Variants in GINS1 observed in about 807,000 individuals in gnomAD.
GINS1 encodes GINS complex subunit 1.
GINS1 carries 26 observed loss-of-function variants against 34.9 expected under a neutral mutation model. That is an observed-to-expected ratio of 0.74 (90% CI 0.55 to 1.03). The LOEUF is 1.03. Among genes scored for constraint, GINS1 ranks in the 50% least tolerant of loss-of-function variants. The probability of loss-of-function intolerance (pLI) is 0.00; values close to 1 mark genes in which losing one functional copy is unlikely to be tolerated. For synonymous variants in GINS1, 97 were observed against 84.4 expected, an observed-to-expected ratio of 1.15 and a Z score of -0.82; for missense variants, 235 against 237.9, an observed-to-expected ratio of 0.99 and a Z score of 0.08.
intron 5 of GINS1, among the ~76,000 whole-genome samples, chr20:25,440,888 C>G (rs564475113): frequency 4.2e-4 from 64 of 150,822 alleles, no homozygotes; most frequent in African/African-American, 1.2e-3. Flanking sequence ...AGTGGTATTT[C>G]TCATATTTAA....
At chr20:25,422,816 G>A (rs1262549535) in intron 4 of GINS1, among the ~76,000 whole-genome samples, 1 of 152,096 alleles carries the variant, frequency 6.6e-6, no homozygotes, top group African/African-American at 2.4e-5. Context: ...TGCTCTTGTT[G>A]CCCAGGCTGG....
intron 2 of GINS1, among the ~76,000 whole-genome samples, chr20:25,415,539 G>A (rs375414861): frequency 2.6e-5 from 4 of 152,154 alleles, no homozygotes; most frequent in African/African-American, 9.6e-5. Flanking sequence ...TACAAAATTA[G>A]CCATGCGTGG....
At chr20:25,445,338 C>T (rs1321160794) in intron 6 of GINS1, among the ~76,000 whole-genome samples, 3 of 151,012 alleles carry the variant, frequency 2.0e-5, no homozygotes, top group Admixed American at 6.6e-5. Context: ...TGCGCCACCA[C>T]GCCTGGCTAA....
chr20:25,410,824 A>G (rs909130513), intron 1 of GINS1, among the ~76,000 whole-genome samples: 2 of 151,972 alleles, frequency 1.3e-5, no homozygotes, highest in Non-Finnish European at 2.9e-5. Context: ...CAGCCTCCCA[A>G]AGTGCTGGGA....
chr20:25,446,634 A>G lies in GINS1; in HGVS notation c.*643A>G, dbSNP rs1410917863. 1 of 152,238 alleles carries G rather than the reference A, an allele frequency of 6.6e-6. No individual in the cohort carries two copies. Among genetic ancestry groups the G allele is most frequent in the Non-Finnish European group, 1.5e-5 (1 of 68,048 alleles). The allele number at this position is 152,238 out of a possible 1,614,324, so 9.4% of individuals were successfully genotyped here. The stretch of plus-strand genomic sequence containing the variant: ...TGACATACTAATTTATCATCTGGCT[A>G]TTTGGGAAGGAAGGACACACATGGA... On this transcript the variant is annotated 3_prime_UTR_variant, in exon 7 of 7. Transcript: ENST00000262460.
chr20:25,412,355 ACCAGCCTGG>A (rs2090291257), intron 1 of GINS1, among the ~76,000 whole-genome samples: 1 of 151,800 alleles, frequency 6.6e-6, no homozygotes, highest in Non-Finnish European at 1.5e-5. Context: ...GGAGTTCAAG[ACCAGCCTGG>A]CCAATATAGT....
intron 3 of GINS1, among the ~76,000 whole-genome samples, chr20:25,417,615 G>A (rs1342746988): frequency 6.6e-6 from 1 of 152,086 alleles, no homozygotes; most frequent in Admixed American, 6.5e-5. Flanking sequence ...CAGCAATTTT[G>A]GAGGCCAAGG....
At chr20:25,445,537 C>A (rs8116139) in intron 6 of GINS1, among the ~76,000 whole-genome samples, 1 of 152,054 alleles carries the variant, frequency 6.6e-6, no homozygotes, top group Non-Finnish European at 1.5e-5. Context: ...TTAGTAGAGA[C>A]GGGGTTTCAC....
At chr20:25,421,861 C>T (rs1211828049) in intron 4 of GINS1, among the ~76,000 whole-genome samples, 1 of 152,138 alleles carries the variant, frequency 6.6e-6, no homozygotes, top group Non-Finnish European at 1.5e-5. Context: ...ACACTCTTCT[C>T]AGTGGAGACA....
rs1158099756 is a variant in GINS1, at chr20:25,446,877, G to A, written c.*886G>A. The A allele has an allele frequency of 1.3e-5, 2 of 152,148 alleles. No individual in the cohort carries two copies. The highest frequency in any genetic ancestry group is 4.8e-5 in the African/African-American group (2 of 41,434). 9.4% of individuals were successfully genotyped at this position (152,148 alleles called of 1,614,324 possible). On this transcript the variant is annotated 3_prime_UTR_variant, in exon 7 of 7. Transcript: ENST00000262460. ...ACATTTTAAATTTTGATGAAATCCA[G>A]TTTATTCGTTTGTTCTTTTATGCTT... is the stretch of plus-strand genomic sequence containing the variant.
intron 4 of GINS1, chr20:25,419,602 C>A: frequency 1.3e-6 from 1 of 781,788 alleles, no homozygotes; most frequent in South Asian, 2.2e-5. Flanking sequence ...ATGAACAGAA[C>A]ATTATGTTTC....
At chr20:25,443,456 G>A (rs2090493571) in intron 6 of GINS1, among the ~76,000 whole-genome samples, 1 of 150,800 alleles carries the variant, frequency 6.6e-6, no homozygotes, top group African/African-American at 2.4e-5. Flanking sequence ...CATCCCAAAT[G>A]CTGTCCTGTG....
chr20:25,443,835 T>C (rs1240956793), intron 6 of GINS1, among the ~76,000 whole-genome samples: 1 of 151,868 alleles, frequency 6.6e-6, no homozygotes, highest in Non-Finnish European at 1.5e-5. Flanking sequence ...CCCTCAATTA[T>C]AAAAATGGAG....
At chr20:25,416,312 A>G (rs1202888486) in intron 2 of GINS1, among the ~76,000 whole-genome samples, 2 of 152,300 alleles carry the variant, frequency 1.3e-5, no homozygotes, top group South Asian at 4.1e-4. Flanking sequence ...TCATGATCCA[A>G]AATTCTTTAT....
chr20:25,413,652 C>G, intron 1 of GINS1, 138 bp from the exon 2 acceptor site: 1 of 626,212 alleles, frequency 1.6e-6, no homozygotes. Flanking sequence ...CTTGTTATAA[C>G]CATGCTAGTG....
At chr20:25,440,668 G>A (rs1464249998) in intron 5 of GINS1, among the ~76,000 whole-genome samples, 8 of 151,876 alleles carry the variant, frequency 5.3e-5, no homozygotes, top group Non-Finnish European at 1.2e-4. Flanking sequence ...AAAATTAGTT[G>A]GGTATGGTGG....
chr20:25,430,348 C>T (rs568045285), intron 5 of GINS1, among the ~76,000 whole-genome samples: 12 of 152,208 alleles, frequency 7.9e-5, no homozygotes, highest in South Asian at 4.1e-4. Flanking sequence ...TTTTGTCAAA[C>T]GCTTTTTCTG....
chr20:25,411,682 C>T (rs2090285981), intron 1 of GINS1, among the ~76,000 whole-genome samples: 1 of 151,650 alleles, frequency 6.6e-6, no homozygotes, highest in Non-Finnish European at 1.5e-5. Flanking sequence ...GTGGCTTACA[C>T]CTGTAATCCT....
chr20:25,415,728 T>G (rs1024050585), intron 2 of GINS1, among the ~76,000 whole-genome samples: 8 of 150,352 alleles, frequency 5.3e-5, no homozygotes, highest in Admixed American at 2.0e-4. Flanking sequence ...TGGCGCTCAC[T>G]GTCTAGTGCA....
Sources: gnomAD v4.1 joint callset for allele counts (sites outside exome capture counted in the v4.1 genomes callset) on GRCh38, gnomAD v4.1.1 for gene constraint, MANE v1.5 for transcripts, NCBI Gene and HGNC (gene_info 2026-07-23, HGNC 2026-07-21) for gene names.